Variants in ARHGEF12 observed in about 807,000 individuals in gnomAD.
The protein encoded by ARHGEF12 is Rho guanine nucleotide exchange factor 12.
ARHGEF12 carries 66 observed loss-of-function variants against 211.2 expected under a neutral mutation model. The observed-to-expected ratio is 0.31, with a 90% CI of 0.26 to 0.38. The LOEUF (loss-of-function observed/expected upper bound fraction) is 0.38. Among genes scored for constraint, ARHGEF12 ranks in the 10% least tolerant of loss-of-function variants. The pLI is 1.00. For missense variants in ARHGEF12, 1,429 were observed against 1,869.5 expected (o/e 0.76, Z 4.34); for synonymous variants, 592 against 638.4 (o/e 0.93, Z 1.09).
rs115287902 is a variant in ARHGEF12, at chr11:120,375,606, G to A, written c.33-30512G>A. Among the ~76,000 whole-genome samples the A allele has an allele frequency of 8.7e-3, 1,306 of 149,528 alleles. 7 individuals are homozygous for A. The highest frequency in any genetic ancestry group is 0.015 in the Non-Finnish European group (991 of 67,616). ...TTTTGAGAACAGGGCTAGATTTGCC[G>A]AAAATGAGAAGCTAGAAAATAACAT... On this transcript the variant is annotated intron_variant, in intron 1 of 40. Coordinates refer to ENST00000397843, the MANE Select transcript of ARHGEF12 (RefSeq NM_015313.3).
intron 1 of ARHGEF12, among the ~76,000 whole-genome samples, chr11:120,396,530 C>T (rs193273601): frequency 1.6e-4 from 24 of 152,282 alleles, no homozygotes; most frequent in Admixed American, 7.2e-4. Context: ...GTACTTCACC[C>T]CTGTGGTATT....
intron 1 of ARHGEF12, among the ~76,000 whole-genome samples, chr11:120,393,016 A>T (rs1944269393): frequency 6.6e-6 from 1 of 152,172 alleles, no homozygotes; most frequent in Non-Finnish European, 1.5e-5. Context: ...GTTCTCTTAA[A>T]AGGAAGGCTG....
intron 1 of ARHGEF12, among the ~76,000 whole-genome samples, chr11:120,402,769 G>A (rs1178317511): frequency 6.6e-6 from 1 of 152,130 alleles, no homozygotes; most frequent in Non-Finnish European, 1.5e-5. Context: ...ATTGTCAAAA[G>A]GCTCTTTATG....
At chr11:120,347,148 C>CT (rs1565416870) in intron 1 of ARHGEF12, among the ~76,000 whole-genome samples, 924 of 40,374 alleles carry the variant, frequency 0.023, 33 homozygotes, top group African/African-American at 0.12. Flanking sequence ...TCCTTCCTTC[C>CT]TTCCTTCCTT....
chr11:120,467,352 A>C, intron 29 of ARHGEF12, 44 bp downstream of exon 29: 4 of 1,175,146 alleles, frequency 3.4e-6, no homozygotes, highest in Non-Finnish European at 5.1e-6. Flanking sequence ...AACAACAACA[A>C]CGAAACACCC....
At chr11:120,406,703 C>T (rs796937724) in intron 2 of ARHGEF12, among the ~76,000 whole-genome samples, 42 of 152,212 alleles carry the variant, frequency 2.8e-4, no homozygotes, top group South Asian at 8.3e-4. Flanking sequence ...GGACTACAGG[C>T]GCCCGCCACC....
At chr11:120,397,342 A>T (rs1944421897) in intron 1 of ARHGEF12, among the ~76,000 whole-genome samples, 1 of 152,082 alleles carries the variant, frequency 6.6e-6, no homozygotes, top group South Asian at 2.1e-4. Flanking sequence ...CTCGGGGACG[A>T]GTGTGTCCTC....
intron 1 of ARHGEF12, among the ~76,000 whole-genome samples, chr11:120,357,235 C>G (rs1473297812): frequency 1.3e-5 from 2 of 152,090 alleles, no homozygotes; most frequent in Non-Finnish European, 2.9e-5. Context: ...CTCAAGTGAT[C>G]CGCCTGCCTC....
intron 4 of ARHGEF12, chr11:120,410,458 C>T (rs1944848937): frequency 6.6e-6 from 1 of 151,900 alleles, no homozygotes; most frequent in South Asian, 2.1e-4. Context: ...TTTAATAGAG[C>T]CACAAATCTA....
chr11:120,421,800 C>T lies in ARHGEF12; in HGVS notation c.299-3C>T. On this transcript the variant is annotated splice_polypyrimidine_tract_variant and splice_region_variant and intron_variant, in intron 5 of 40. Transcript: ENST00000397843. ...CATTTTAAGCAATTAATTTCTCATACAGATGGAGCAGCCATGCGGGCTGGA... is the reference window on the plus strand; with the variant it reads ...CATTTTAAGCAATTAATTTCTCATATAGATGGAGCAGCCATGCGGGCTGGA... 1.2e-6 allele frequency: 2 copies of T among 1,609,610 alleles called. No individual in the cohort carries two copies. Among genetic ancestry groups the T allele is most frequent in the Non-Finnish European group, 1.7e-6 (2 of 1,177,940 alleles).
chr11:120,392,713 C>T (rs757427121), intron 1 of ARHGEF12, among the ~76,000 whole-genome samples: 2 of 152,182 alleles, frequency 1.3e-5, no homozygotes, highest in Non-Finnish European at 2.9e-5. Context: ...TAAACTAGTC[C>T]TTAAAGATGA....
intron 1 of ARHGEF12, among the ~76,000 whole-genome samples, chr11:120,394,483 A>T (rs972398101): frequency 5.9e-5 from 9 of 151,594 alleles, no homozygotes; most frequent in Non-Finnish European, 1.5e-5. Context: ...GGTGTGAGCC[A>T]CCGTACCTGA....
chr11:120,432,844 A>G (rs1405701326), intron 11 of ARHGEF12, among the ~76,000 whole-genome samples: 3 of 152,270 alleles, frequency 2.0e-5, no homozygotes, highest in East Asian at 1.9e-4. Flanking sequence ...CATTCAGGCT[A>G]TCTCTTGAGG....
chr11:120,344,840 C>T (rs973895657), intron 1 of ARHGEF12, among the ~76,000 whole-genome samples: 2 of 152,194 alleles, frequency 1.3e-5, no homozygotes, highest in Non-Finnish European at 2.9e-5. Context: ...AGATATTGCT[C>T]TCTTGAAGTT....
chr11:120,446,551 T>C, intron 17 of ARHGEF12, 43 bp downstream of exon 17: 1 of 1,473,620 alleles, frequency 6.8e-7, no homozygotes. Flanking sequence ...TTATTCTAAA[T>C]TAATTTTTTT....
At chr11:120,360,475 C>CT (rs1943248501) in intron 1 of ARHGEF12, among the ~76,000 whole-genome samples, 1 of 152,146 alleles carries the variant, frequency 6.6e-6, no homozygotes, top group Non-Finnish European at 1.5e-5. Context: ...TCGCTGCAGC[C>CT]TTGACCTCCC....
Position 120,475,915 on chromosome 11 carries a change from T to C in ARHGEF12, c.3277+408T>C, listed in dbSNP as rs986971760. 2.6e-5 allele frequency: 4 copies of C among 155,960 alleles called. No homozygotes were observed. The Admixed American group carries it at 2.6e-4, about 10-fold the overall frequency. 9.7% of individuals were successfully genotyped at this position (155,960 alleles called of 1,614,324 possible). On this transcript the variant is annotated intron_variant, in intron 33 of 40. Coordinates refer to ENST00000397843, the MANE Select transcript of ARHGEF12 (RefSeq NM_015313.3). ...TATTTTAACTCTATTAACAACGGGG[T>C]CCCTTTTAAAACTTGTTAGTTTCAT...
intron 2 of ARHGEF12, among the ~76,000 whole-genome samples, chr11:120,406,734 A>G (rs1388782123): frequency 6.6e-6 from 1 of 151,784 alleles, no homozygotes; most frequent in Non-Finnish European, 1.5e-5. Flanking sequence ...AATTTTTTGT[A>G]TTTTTAGTAG....
At position 120,393,474 on chromosome 11, in the gene ARHGEF12, G is replaced by T. The variant is rs1944282581; in HGVS notation, c.33-12644G>T. On this transcript the variant is annotated intron_variant, in intron 1 of 40. Transcript: ENST00000397843. The stretch of plus-strand genomic sequence containing the variant: ...AAATACACATTGTTTAAAAGTAAAA[G>T]GATGGAAGAAGATGTGCCCTGCTAA... Among the ~76,000 whole-genome samples, 4 of 152,122 alleles carry T rather than the reference G, an allele frequency of 2.6e-5. No homozygotes were observed. The South Asian group carries it at 8.3e-4, about 32-fold the overall frequency.
Sources: allele counts gnomAD v4.1 joint callset (sites outside exome capture counted in the v4.1 genomes callset), GRCh38; gene constraint gnomAD v4.1.1; transcripts MANE v1.5; gene names NCBI Gene and HGNC (gene_info 2026-07-23, HGNC 2026-07-21).